LRP11: variants seen among roughly 807,000 people sequenced by gnomAD.
The protein encoded by LRP11 is LDL receptor related protein 11, also known as low-density lipoprotein receptor-related protein 11.
LRP11 carries 25 observed loss-of-function variants against 43.1 expected under a neutral mutation model. The ratio of observed to expected loss-of-function variants is 0.58; its 90% CI spans 0.42 to 0.81. The LOEUF is 0.81. LRP11 is among the 30% of genes least tolerant of loss of function. The pLI is 0.00. For synonymous variants in LRP11, 316 were observed against 299.4 expected (o/e 1.06, Z -0.57); for missense variants, 623 against 665.1 (o/e 0.94, Z 0.70).
At chr6:149,858,243 C>T (rs534525607) in intron 1 of LRP11, among the ~76,000 whole-genome samples, 190 of 152,222 alleles carry the variant, frequency 1.2e-3, no homozygotes, top group African/African-American at 4.2e-3. Flanking sequence ...TGTTCTCCTC[C>T]GTGTCCGTGT....
intron 2 of LRP11, among the ~76,000 whole-genome samples, chr6:149,844,293 G>GT (rs1171708398): frequency 6.7e-6 from 1 of 150,286 alleles, no homozygotes; most frequent in Admixed American, 6.6e-5. Flanking sequence ...CCCTCTTACT[G>GT]TATCTGGCCA....
Position 149,820,264 on chromosome 6 carries a change from T to G in LRP11, c.*285A>C. ...ATCCTAATACCACCTCCTGAGATGCTGAATTTTCTCTCAGCTAAGTACACA... is the reference window on the plus strand; with the variant it reads ...ATCCTAATACCACCTCCTGAGATGCGGAATTTTCTCTCAGCTAAGTACACA... On this transcript the variant is annotated 3_prime_UTR_variant, in exon 7 of 7. Transcript: ENST00000239367. 3.9e-6 allele frequency: 1 copy of G among 257,176 alleles called. No homozygotes were observed. The highest frequency in any genetic ancestry group is 7.4e-6 in the Non-Finnish European group (1 of 134,722). 15.9% of individuals were successfully genotyped at this position (257,176 alleles called of 1,614,324 possible).
At chr6:149,822,721 T>C (rs950863206) in intron 6 of LRP11, among the ~76,000 whole-genome samples, 6 of 152,152 alleles carry the variant, frequency 3.9e-5, no homozygotes, top group African/African-American at 1.2e-4. Context: ...CTTACTATGA[T>C]AGAATTATAG....
intron 6 of LRP11, among the ~76,000 whole-genome samples, chr6:149,825,890 C>G (rs901415646): frequency 3.3e-5 from 5 of 152,194 alleles, no homozygotes; most frequent in African/African-American, 1.2e-4. Context: ...CTCAAGCGAT[C>G]CTCCTGCCTT....
At chr6:149,834,767 C>T (rs541982431) in intron 5 of LRP11, among the ~76,000 whole-genome samples, 1 of 152,302 alleles carries the variant, frequency 6.6e-6, no homozygotes, top group South Asian at 2.1e-4. Context: ...CATTCTTAAC[C>T]AAAACTCAGA....
In LRP11 at chr6:149,864,078, G is replaced by A. The variant is rs1776995611; in HGVS notation, c.-58C>T. 8.0e-7 allele frequency: 1 copy of A among 1,246,978 alleles called. No individual in the cohort carries two copies. The highest frequency in any genetic ancestry group is 1.0e-6 in the Non-Finnish European group (1 of 997,904). 77.2% of individuals were successfully genotyped at this position (1,246,978 alleles called of 1,614,324 possible). On this transcript the variant is annotated 5_prime_UTR_variant, in exon 1 of 7. Coordinates refer to ENST00000239367, the MANE Select transcript of LRP11 (RefSeq NM_032832.6). ...GGGGCTGAGCGCGGGAGGAAGGCGG[G>A]GACGCGGGCGAGCGCGGGCCCTGGG... is the stretch of plus-strand genomic sequence containing the variant.
chr6:149,862,560 T>C (rs1201981801), intron 1 of LRP11, among the ~76,000 whole-genome samples: 1 of 144,534 alleles, frequency 6.9e-6, no homozygotes, highest in African/African-American at 2.5e-5. Context: ...CGCTTTAAAG[T>C]TTCCTATTTT....
At chr6:149,820,728 G>A (rs774057331) in intron 6 of LRP11, 25 bp from the exon 7 acceptor site, 3 of 778,788 alleles carry the variant, frequency 3.9e-6, no homozygotes, top group Non-Finnish European at 7.2e-6. Context: ...GACATGAAGA[G>A]GGCAAGCCAG....
At chr6:149,857,229 G>A (rs530537387) in intron 1 of LRP11, among the ~76,000 whole-genome samples, 2 of 152,298 alleles carry the variant, frequency 1.3e-5, no homozygotes, top group South Asian at 4.1e-4. Context: ...TTGGTTTACA[G>A]TCTGACTTTG....
At position 149,826,341 on chromosome 6, in the gene LRP11, T is replaced by C. The variant is rs1776339353; in HGVS notation, c.1271A>G (p.Lys424Arg). 1 of 1,611,954 alleles carries C rather than the reference T, an allele frequency of 6.2e-7. No homozygotes were observed. The highest frequency in any genetic ancestry group is 1.3e-5 in the African/African-American group (1 of 74,990). ...PVMPDSSSSGKNRKEESYIFE... is the reference protein window; with the variant it reads ...PVMPDSSSSGRNRKEESYIFE... ...TATATAACTTTCCTCTTTTCTGTTC[T>C]TCCCTGAGGAACTACTATCTGCAGA... Residue 424 changes from lysine to arginine, a missense_variant, in exon 6 of 7, where the codon AAG becomes AGG. Coordinates refer to ENST00000239367, the MANE Select transcript of LRP11 (RefSeq NM_032832.6).
At chr6:149,842,607 C>T (rs577170732) in intron 3 of LRP11, 8 of 1,547,170 alleles carry the variant, frequency 5.2e-6, no homozygotes, top group African/African-American at 2.7e-5. Flanking sequence ...TCTGCTTCCA[C>T]GAGTTCAACT....
chr6:149,833,441 A>G (rs1386622206), intron 5 of LRP11, among the ~76,000 whole-genome samples: 1 of 152,178 alleles, frequency 6.6e-6, no homozygotes, highest in African/African-American at 2.4e-5. Flanking sequence ...AGGACTTTCA[A>G]AAAGTGTGTT....
rs565973934 is a variant in LRP11 at position 149,828,021 on chromosome 6, CA to C, written c.1253-1663del. Among the ~76,000 whole-genome samples the C allele has an allele frequency of 8.8e-3, 695 of 79,340 alleles. 4 individuals are homozygous for C. The highest frequency in any genetic ancestry group is 0.024 in the African/African-American group (520 of 21,238). The allele number at this position is 79,340 out of a possible 152,430, so 52.1% of individuals were successfully genotyped here. On this transcript the variant is annotated intron_variant, in intron 5 of 6. Coordinates refer to ENST00000239367, the MANE Select transcript of LRP11 (RefSeq NM_032832.6). ...TGGGCGACTGAGCAAGACTCCGTCT[CA>C]AAAAAAAAAAAAAAAAAAATTAGCC... is the stretch of plus-strand genomic sequence containing the variant.
intron 2 of LRP11, among the ~76,000 whole-genome samples, chr6:149,845,580 G>A (rs1272003683): frequency 6.6e-6 from 1 of 152,170 alleles, no homozygotes; most frequent in Non-Finnish European, 1.5e-5. Context: ...TCATTTACGT[G>A]AGTGCTAAAA....
intron 6 of LRP11, among the ~76,000 whole-genome samples, chr6:149,821,014 T>C (rs2115367981): frequency 7.0e-6 from 1 of 142,954 alleles, no homozygotes; most frequent in African/African-American, 2.7e-5. Context: ...CACTGCAACC[T>C]CTACCTCCTG....
intron 5 of LRP11, among the ~76,000 whole-genome samples, chr6:149,831,456 C>T (rs370253603): frequency 6.6e-5 from 10 of 152,340 alleles, no homozygotes; most frequent in Non-Finnish European, 1.3e-4. Context: ...ACAGGCCCTA[C>T]GGCTATGACC....
intron 6 of LRP11, among the ~76,000 whole-genome samples, chr6:149,822,511 A>AG (rs1209979966): frequency 2.3e-5 from 1 of 43,072 alleles, no homozygotes; most frequent in East Asian, 6.3e-3. Flanking sequence ...TAAAAAAAAA[A>AG]AAAAAAAAGA....
At chr6:149,825,991 T>C (rs886330820) in intron 6 of LRP11, 2 of 419,678 alleles carry the variant, frequency 4.8e-6, no homozygotes, top group Non-Finnish European at 8.7e-6. Flanking sequence ...CTAAAGCTTG[T>C]GTTCTCCCAC....
chr6:149,845,034 G>A (rs149375374), intron 2 of LRP11, among the ~76,000 whole-genome samples: 3 of 152,278 alleles, frequency 2.0e-5, no homozygotes, highest in East Asian at 1.9e-4. Flanking sequence ...ACACTGGTGC[G>A]TGGTTAAGAG....
Sources: gnomAD v4.1 joint callset for allele counts (sites outside exome capture counted in the v4.1 genomes callset) on GRCh38, gnomAD v4.1.1 for gene constraint, MANE v1.5 for transcripts, NCBI Gene and HGNC (gene_info 2026-07-23, HGNC 2026-07-21) for gene names.